FLNA: variants seen among roughly 807,000 people sequenced by gnomAD.
FLNA encodes filamin-A.
Under a neutral mutation model 157.6 loss-of-function variants are expected in FLNA, and 7 were observed. That is an observed-to-expected ratio of 0.04 (90% CI 0.03 to 0.08). The LOEUF (loss-of-function observed/expected upper bound fraction) is 0.08, where lower values mean the gene tolerates loss of function less well. FLNA is among the 10% of genes least tolerant of loss of function. The pLI is 1.00. For synonymous variants in FLNA, 1,103 were observed against 1,060.8 expected (o/e 1.04, Z -0.77); for missense variants, 1,750 against 2,398.4 (o/e 0.73, Z 5.65).
At position 154,349,871 on chromosome X, in the gene FLNA, G is replaced by T. The variant is rs782380384; in HGVS notation, c.7334-4C>A. 8.3e-7 allele frequency: 1 copy of T among 1,208,188 alleles called. No individual in the cohort carries two copies. The highest frequency in any genetic ancestry group is 1.1e-6 in the Non-Finnish European group (1 of 892,895). On this transcript the variant is annotated splice_region_variant and splice_polypyrimidine_tract_variant and intron_variant, in intron 45 of 47. Transcript: ENST00000369850. ...ACGACGAACTCAGCTGGGTTCCCTG[G>T]GAGCACAGGAGGTCAGGCAGAGCCA... is the stretch of plus-strand genomic sequence containing the variant.
rs367646688 is a variant in FLNA, at chrX:154,358,189, C to T, written c.4755+10G>A. Reference sequence around the variant, plus strand: ...CCCCCCTGCCTCCCCTGCCTGTGCCCGGAGCTCACCGTGATCTGGACAGCC... The same window carrying T: ...CCCCCCTGCCTCCCCTGCCTGTGCCTGGAGCTCACCGTGATCTGGACAGCC... On this transcript the variant is annotated intron_variant, in intron 28 of 47. Coordinates refer to ENST00000369850, the MANE Select transcript of FLNA (RefSeq NM_001110556.2). 9.9e-6 allele frequency: 12 copies of T among 1,207,980 alleles called. No individual in the cohort carries two copies. The African/African-American group carries it at 1.0e-4, about 11-fold the overall frequency.
chrX:154,364,133 G>A lies in FLNA; in HGVS notation c.2169C>T (p.Val723=), dbSNP rs782129801. 3 of 1,209,578 alleles carry A rather than the reference G, an allele frequency of 2.5e-6. No individual in the cohort carries two copies. In the East Asian group the frequency reaches 8.9e-5, roughly 36 times the overall value. ...TGTAAGTGCCATTGCCGTTGTCCTTGACCAACGCCTCCACAGGGCAGCCTT... is the reference window on the plus strand; with the variant it reads ...TGTAAGTGCCATTGCCGTTGTCCTTAACCAACGCCTCCACAGGGCAGCCTT... ...DNEGCPVEAL[V]KDNGNGTYSC... The change falls in exon 15 of 48, where the codon GTC becomes GTT. Residue 723 remains valine (V), a synonymous_variant. Transcript: ENST00000369850.
chrX:154,359,481 T>C lies in FLNA; in HGVS notation c.4142+3A>G. 8.3e-7 allele frequency: 1 copy of C among 1,211,677 alleles called. No individual in the cohort carries two copies. Among genetic ancestry groups the C allele is most frequent in the East Asian group, 3.0e-5 (1 of 33,842 alleles). On this transcript the variant is annotated splice_donor_region_variant and intron_variant, in intron 24 of 47. Transcript: ENST00000369850. Reference sequence around the variant, plus strand: ...CCACACGGGCTCCTGGGGGCTCCCTTACCTGGTCTCCACAGTGAACTTGTT... The same window carrying C: ...CCACACGGGCTCCTGGGGGCTCCCTCACCTGGTCTCCACAGTGAACTTGTT...
chrX:154,364,005 G>A lies in FLNA; in HGVS notation c.2280+17C>T, dbSNP rs369335695. 47 of 1,206,296 alleles carry A rather than the reference G, an allele frequency of 3.9e-5. No individual in the cohort carries two copies. The highest frequency in any genetic ancestry group is 2.3e-4 in the Middle Eastern group (1 of 4,367). On this transcript the variant is annotated intron_variant, in intron 15 of 47. Transcript: ENST00000369850. ...ATGCTATCGAGATGGACTAAAGGCC[G>A]GTGGAGGTTGGCTCACCCTGAAGGG...
chrX:154,358,217 C>G lies in FLNA; in HGVS notation c.4737G>C (p.Leu1579=), dbSNP rs201904661. Reference sequence around the variant, plus strand: ...AGCTCACCGTGATCTGGACAGCCAGCAGGCCCTCCCCGGCGTCCTTTGCAT... The same window carrying G: ...AGCTCACCGTGATCTGGACAGCCAGGAGGCCCTCCCCGGCGTCCTTTGCAT... ...TIDAKDAGEG[L]LAVQITDPEG... The change falls in exon 28 of 48, where the codon CTG becomes CTC. Residue 1579 remains leucine (L), a synonymous_variant. Transcript: ENST00000369850. 190 of 1,209,563 alleles carry G rather than the reference C, an allele frequency of 1.6e-4. 1 individual carries two copies. The African/African-American group carries it at 2.5e-3, about 16-fold the overall frequency.
At chrX:154,369,708 T>C (rs2067790647) in intron 2 of FLNA, among the ~76,000 whole-genome samples, 1 of 111,596 alleles carries the variant, frequency 9.0e-6, no homozygotes, top group Non-Finnish European at 1.9e-5. Context: ...CCACATCCGG[T>C]CGCCCCCCCT....
chrX:154,359,533 T>C lies in FLNA; in HGVS notation c.4093A>G (p.Ile1365Val), dbSNP rs782815741. The C allele has an allele frequency of 4.1e-5, 50 of 1,211,304 alleles. No homozygotes were observed. Among genetic ancestry groups the C allele is most frequent in the Non-Finnish European group, 5.6e-5 (50 of 895,429 alleles). ...PSRVRVHGPG[I>V]QSGTTNKPNK... ...GGCTTGTTGGTGGTGCCACTTTGGA[T>C]GCCTGGCCCGTGGACACGCACCCGG... Residue 1365 changes from isoleucine (I) to valine (V), a missense_variant, in exon 24 of 48, where the codon ATC becomes GTC. Transcript: ENST00000369850.
chrX:154,352,951 G>A (rs782518315), intron 38 of FLNA, 27 bp from the exon 39 acceptor site: 9 of 1,209,804 alleles, frequency 7.4e-6, no homozygotes, highest in African/African-American at 5.2e-5. Context: ...CCTGAGCCTC[G>A]GTGCTATGCA....
chrX:154,351,545 G>T, intron 43 of FLNA, 36 bp downstream of exon 43: 1 of 998,848 alleles, frequency 1.0e-6, no homozygotes, highest in Non-Finnish European at 1.4e-6. Context: ...TCCGGGCCCA[G>T]GAGCCCCAGG....
intron 5 of FLNA, 28 bp from the exon 6 acceptor site, chrX:154,366,878 G>T (rs4898478): frequency 8.8e-7 from 1 of 1,137,002 alleles, no homozygotes; most frequent in Middle Eastern, 2.4e-4. Flanking sequence ...GCCAACCACG[G>T]GCCAGCTGTT....
Position 154,371,171 on chromosome X carries a change from G to T in FLNA, c.75C>A (p.Asp25Glu). The T allele has an allele frequency of 1.7e-6, 2 of 1,194,268 alleles. No individual in the cohort carries two copies. ...CCTTCTCGGTGGCCGGCATCTCGGCGTCCCGCGTGTCGACGCCGCCGCCCG... is the reference window on the plus strand; with the variant it reads ...CCTTCTCGGTGGCCGGCATCTCGGCTTCCCGCGTGTCGACGCCGCCGCCCG... ...AAPGGGVDTR[D>E]AEMPATEKDL... Residue 25 changes from aspartate (D) to glutamate (E), a missense_variant, in exon 2 of 48, where the codon GAC becomes GAA. Around this residue, in one of 5 missense-constraint regions of FLNA, gnomAD observed 58 missense variants for 27.8 expected, o/e 2.09. Transcript: ENST00000369850.
intron 28 of FLNA, 23 bp from the exon 29 acceptor site, chrX:154,357,646 G>A (rs900680363): frequency 2.5e-6 from 3 of 1,201,158 alleles, no homozygotes; most frequent in Non-Finnish European, 3.4e-6. Flanking sequence ...GGCAGGGGAG[G>A]CAGTTGGCCC....
Position 154,353,653 on chromosome X carries a change from T to C in FLNA, c.5761A>G (p.Ser1921Gly). Residue 1921 changes from serine (S) to glycine (G), a missense_variant, in exon 36 of 48, where the codon AGC (serine) becomes GGC (glycine). By Grantham distance (56) the Ser-to-Gly change is moderately conservative. Transcript: ENST00000369850. ...GGCAGCACAGGCAGGTAGGACACGC[T>C]GCATGTCCCATCCTGGTTGTCAGTG... is the stretch of plus-strand genomic sequence containing the variant. ...SCTDNQDGTC[S>G]VSYLPVLPGD... The C allele has an allele frequency of 8.3e-7, 1 of 1,211,408 alleles. No homozygotes were observed. Among genetic ancestry groups the C allele is most frequent in the Non-Finnish European group, 1.1e-6 (1 of 895,047 alleles).
At position 154,349,450 on chromosome X, in the gene FLNA, G is replaced by A. The variant is rs782784577; in HGVS notation, c.7668C>T (p.Asp2556=). The part of the protein sequence containing the change: ...QHGAPGPGPA[D]ASKVVAKGLG... ...GGCCCTTGGCCACCACCTTGCTGGC[G>A]TCAGCAGGCCCAGGACCCGGGGCCC... Residue 2556 remains aspartate, a synonymous_variant, in exon 47 of 48, where the codon GAC becomes GAT. Transcript: ENST00000369850. 56 of 1,211,286 alleles carry A rather than the reference G, an allele frequency of 4.6e-5. No individual in the cohort carries two copies. Among genetic ancestry groups the A allele is most frequent in the Admixed American group, 6.5e-5 (3 of 46,111 alleles).
At position 154,359,228 on chromosome X, in the gene FLNA, TG is replaced by T; in HGVS notation, c.4303+17del. 8.3e-7 allele frequency: 1 copy of T among 1,211,242 alleles called. No homozygotes were observed. Among genetic ancestry groups the T allele is most frequent in the Middle Eastern group, 2.3e-4 (1 of 4,354 alleles). On this transcript the variant is annotated intron_variant, in intron 25 of 47. Coordinates refer to ENST00000369850, the MANE Select transcript of FLNA (RefSeq NM_001110556.2). ...CGAGCAGACAGTCCCAGCCCTGCCC[TG>T]GCCGCCACCTCCTCACCTGGCACTT...
intron 44 of FLNA, chrX:154,350,513 G>C (rs1434250385): frequency 2.5e-6 from 1 of 399,261 alleles, no homozygotes; most frequent in African/African-American, 2.5e-5. Flanking sequence ...GCTCAGAGAC[G>C]GGCAGGAACT....
Position 154,351,591 on chromosome X carries a change from G to C in FLNA, c.7013C>G (p.Ser2338Cys), listed in dbSNP as rs781878646. 16 of 1,199,523 alleles carry C rather than the reference G, an allele frequency of 1.3e-5. No individual in the cohort carries two copies. Among genetic ancestry groups the C allele is most frequent in the Admixed American group, 6.5e-5 (3 of 45,933 alleles). Reference sequence around the variant, plus strand: ...CTCTCGGTGCCTCACCTGAAGGCTAGAAACAGTGAGGCGGCGGGCGTCGCC... The same window carrying C: ...CTCTCGGTGCCTCACCTGAAGGCTACAAACAGTGAGGCGGCGGGCGTCGCC... Reference protein sequence around the residue: ...PSGDARRLTVSSLQESGLKVN... With the variant: ...PSGDARRLTVCSLQESGLKVN... The change falls in exon 43 of 48, where the codon TCT becomes TGT. Residue 2338 changes from serine (S) to cysteine (C), a missense_variant. Ser to Cys is a moderately radical substitution (Grantham distance 112, BLOSUM62 -1). Transcript: ENST00000369850.
chrX:154,358,566 G>A lies in FLNA; in HGVS notation c.4477C>T (p.Leu1493=). Residue 1493 remains leucine (L), a splice_region_variant and synonymous_variant, in exon 27 of 48, where the codon CTG becomes TTG. Transcript: ENST00000369850. ...LQVKVQGPKG[L]VEPVDVVDNA... is the part of the protein sequence containing the mutation. The stretch of plus-strand genomic sequence containing the variant: ...TCTACCACGTCCACTGGCTCCACCA[G>A]GCCTGGCCCCAGCCCCAGGGACAGA... 8.3e-7 allele frequency: 1 copy of A among 1,209,534 alleles called. No individual in the cohort carries two copies. The highest frequency in any genetic ancestry group is 1.1e-6 in the Non-Finnish European group (1 of 894,857).
At chrX:154,358,072 A>T (rs1557177202) in intron 28 of FLNA, 127 bp downstream of exon 28, 1 of 784,118 alleles carries the variant, frequency 1.3e-6, no homozygotes, top group African/African-American at 2.0e-5. Context: ...CAAACCAAAG[A>T]CAGGGGCCCT....
Sources: allele counts gnomAD v4.1 joint callset (sites outside exome capture counted in the v4.1 genomes callset), GRCh38; gene constraint gnomAD v4.1.1; regional missense constraint gnomAD v4.1.1; transcripts MANE v1.5; gene names NCBI Gene and HGNC (gene_info 2026-07-23, HGNC 2026-07-21).